FGF5: variants seen among roughly 807,000 people sequenced by gnomAD.
FGF5 encodes the protein heparin-binding growth factor 5.
A neutral mutation model predicts 21.8 loss-of-function variants in FGF5; 23 were observed. The observed-to-expected ratio is 1.05, with a 90% CI of 0.76 to 1.49. FGF5 has a LOEUF of 1.49. Among genes scored for constraint, FGF5 ranks in the 40% most tolerant of loss-of-function variants. FGF5 has a pLI of 0.00. For missense variants in FGF5, 352 were observed against 332.9 expected, an observed-to-expected ratio of 1.06 and a Z score of -0.45; for synonymous variants, 158 against 124.0, an observed-to-expected ratio of 1.27 and a Z score of -1.82.
At chr4:80,281,623 T>A (rs547556029) in intron 2 of FGF5, among the ~76,000 whole-genome samples, 2 of 152,158 alleles carry the variant, frequency 1.3e-5, no homozygotes, top group Non-Finnish European at 2.9e-5. Context: ...ACATATTTAG[T>A]TCTGTAGTTG....
At chr4:80,282,136 A>G (rs1409014891) in intron 2 of FGF5, among the ~76,000 whole-genome samples, 3 of 152,006 alleles carry the variant, frequency 2.0e-5, no homozygotes, top group East Asian at 1.9e-4. Context: ...CTGATTTTGT[A>G]TTTTTAGTAC....
intron 2 of FGF5, among the ~76,000 whole-genome samples, chr4:80,281,030 G>T (rs1720538297): frequency 6.6e-6 from 1 of 152,060 alleles, no homozygotes; most frequent in Non-Finnish European, 1.5e-5. Flanking sequence ...AAGCCAACTT[G>T]TGTATTTTGT....
At chr4:80,268,948 C>T (rs1560497312) in intron 1 of FGF5, among the ~76,000 whole-genome samples, 2 of 152,248 alleles carry the variant, frequency 1.3e-5, no homozygotes, top group Admixed American at 6.5e-5. Flanking sequence ...CTATTTATTT[C>T]CATTCGTCCT....
At chr4:80,279,479 A>G (rs1398930672) in intron 2 of FGF5, among the ~76,000 whole-genome samples, 2 of 152,096 alleles carry the variant, frequency 1.3e-5, no homozygotes, top group Non-Finnish European at 2.9e-5. Context: ...CCCAACTCCT[A>G]TTTATCACTG....
intron 1 of FGF5, 97 bp from the exon 2 acceptor site, chr4:80,274,812 A>G: frequency 1.6e-6 from 1 of 634,852 alleles, no homozygotes; most frequent in Non-Finnish European, 2.8e-6. Flanking sequence ...TTAAAATCAC[A>G]ATAATAAAGA....
rs754519954 is a variant in FGF5 at position 80,288,034 on chromosome 4, T to C, written c.*1362T>C. On this transcript the variant is annotated 3_prime_UTR_variant, in exon 3 of 3. Coordinates refer to ENST00000312465, the MANE Select transcript of FGF5 (RefSeq NM_004464.4). Reference sequence around the variant, plus strand: ...ATTTACAAAATTTATTCTCAGGTAATCATTTTAATAAAGTTCTGCAAAATA... The same window carrying C: ...ATTTACAAAATTTATTCTCAGGTAACCATTTTAATAAAGTTCTGCAAAATA... 6.6e-6 allele frequency: 1 copy of C among 152,160 alleles called. No homozygotes were observed. The highest frequency in any genetic ancestry group is 1.5e-5 in the Non-Finnish European group (1 of 68,012). 9.4% of individuals were successfully genotyped at this position (152,160 alleles called of 1,614,324 possible).
At chr4:80,273,639 T>C (rs1309483898) in intron 1 of FGF5, among the ~76,000 whole-genome samples, 2 of 152,202 alleles carry the variant, frequency 1.3e-5, no homozygotes, top group Non-Finnish European at 1.5e-5. Flanking sequence ...TAGAATATTA[T>C]AGATGGAAAT....
intron 2 of FGF5, 78 bp downstream of exon 2, chr4:80,275,090 C>T: frequency 1.7e-6 from 1 of 581,840 alleles, no homozygotes; most frequent in Non-Finnish European, 2.9e-6. Flanking sequence ...TTTCCAAATT[C>T]ATAGGTAAGA....
Position 80,286,600 on chromosome 4 carries a change from A to G in FGF5, c.735A>G (p.Pro245=). The G allele has an allele frequency of 6.2e-7, 1 of 1,614,082 alleles. No homozygotes were observed. Among genetic ancestry groups the G allele is most frequent in the Non-Finnish European group, 8.5e-7 (1 of 1,179,980 alleles). ...EKKKPPSPIK[P]KIPLSAPRKN... ...AAAAGCCACCTAGCCCTATCAAGCC[A>G]AAGATTCCCCTTTCTGCACCTCGGA... Residue 245 remains proline, a synonymous_variant, in exon 3 of 3, where the codon CCA becomes CCG. Transcript: ENST00000312465.
Position 80,266,908 on chromosome 4 carries a change from C to G in FGF5, c.84C>G (p.Pro28=), listed in dbSNP as rs1028201656. The G allele has an allele frequency of 1.2e-6, 2 of 1,614,048 alleles. No individual in the cohort carries two copies. Among genetic ancestry groups the G allele is most frequent in the Non-Finnish European group, 1.7e-6 (2 of 1,179,948 alleles). The change falls in exon 1 of 3, where the codon CCC becomes CCG. Residue 28 remains proline (P), a synonymous_variant. Coordinates refer to ENST00000312465, the MANE Select transcript of FGF5 (RefSeq NM_004464.4). ...AWAHGEKRLA[P]KGQPGPAATD... is the part of the protein sequence containing the mutation. Reference sequence around the variant, plus strand: ...CTCACGGGGAGAAGCGTCTCGCCCCCAAAGGGCAACCCGGACCCGCTGCCA... The same window carrying G: ...CTCACGGGGAGAAGCGTCTCGCCCCGAAAGGGCAACCCGGACCCGCTGCCA...
chr4:80,286,840 A>G lies in FGF5; in HGVS notation c.*168A>G, dbSNP rs1022862417. 5.0e-6 allele frequency: 3 copies of G among 597,828 alleles called. No homozygotes were observed. The highest frequency in any genetic ancestry group is 5.9e-6 in the Non-Finnish European group (2 of 341,818). 37.0% of individuals were successfully genotyped at this position (597,828 alleles called of 1,614,324 possible). A position where few individuals can be genotyped will look rare whatever the true frequency, so the allele number is the denominator to read the frequency against. On this transcript the variant is annotated 3_prime_UTR_variant, in exon 3 of 3. Transcript: ENST00000312465. ...CTGAAACAAAATGTTTTTTGATAGG[A>G]AGGAAACTGGAATTCTTTGTACTAA...
At chr4:80,284,385 GAT>G (rs1720649767) in intron 2 of FGF5, among the ~76,000 whole-genome samples, 1 of 152,154 alleles carries the variant, frequency 6.6e-6, no homozygotes, top group Non-Finnish European at 1.5e-5. Flanking sequence ...AGTGAGCCAA[GAT>G]AATGCCACTG....
At chr4:80,283,932 T>C (rs1363065729) in intron 2 of FGF5, among the ~76,000 whole-genome samples, 1 of 152,220 alleles carries the variant, frequency 6.6e-6, no homozygotes, top group Non-Finnish European at 1.5e-5. Flanking sequence ...ATTATCTAAT[T>C]AAATGGGAAA....
chr4:80,272,374 A>G (rs1720293529), intron 1 of FGF5, among the ~76,000 whole-genome samples: 1 of 152,136 alleles, frequency 6.6e-6, no homozygotes, highest in East Asian at 1.9e-4. Context: ...CATCTTCCCC[A>G]TATTTAAAAT....
Position 80,287,267 on chromosome 4 carries a change from T to C in FGF5, c.*595T>C, listed in dbSNP as rs1441860226. On this transcript the variant is annotated 3_prime_UTR_variant, in exon 3 of 3. Coordinates refer to ENST00000312465, the MANE Select transcript of FGF5 (RefSeq NM_004464.4). ...TATTCACTGCACTTTTTTATTGTTT[T>C]TATTTCTAGCCATACCTCAGATAAT... 6.6e-6 allele frequency: 1 copy of C among 152,224 alleles called. No individual in the cohort carries two copies. The highest frequency in any genetic ancestry group is 1.5e-5 in the Non-Finnish European group (1 of 68,034). 9.4% of individuals were successfully genotyped at this position (152,224 alleles called of 1,614,324 possible).
In FGF5 at chr4:80,288,001, T is replaced by G. The variant is rs1202921278; in HGVS notation, c.*1329T>G. On this transcript the variant is annotated 3_prime_UTR_variant, in exon 3 of 3. Coordinates refer to ENST00000312465, the MANE Select transcript of FGF5 (RefSeq NM_004464.4). ...GGACATAAATCACAGAAAATTTAAC[T>G]TAAGAAAATTTACAAAATTTATTCT... is the stretch of plus-strand genomic sequence containing the variant. 3 of 152,122 alleles carry G rather than the reference T, an allele frequency of 2.0e-5. No individual in the cohort carries two copies. Among genetic ancestry groups the G allele is most frequent in the Non-Finnish European group, 4.4e-5 (3 of 67,998 alleles). 9.4% of individuals were successfully genotyped at this position (152,122 alleles called of 1,614,324 possible). A position where few individuals can be genotyped will look rare whatever the true frequency, so the allele number is the denominator to read the frequency against.
At chr4:80,277,404 TTA>T (rs1256651399) in intron 2 of FGF5, among the ~76,000 whole-genome samples, 1 of 152,156 alleles carries the variant, frequency 6.6e-6, no homozygotes, top group African/African-American at 2.4e-5. Flanking sequence ...CCACTTTCTC[TTA>T]TCTGAGCATT....
intron 2 of FGF5, among the ~76,000 whole-genome samples, chr4:80,281,385 C>T (rs1720550761): frequency 6.6e-6 from 1 of 152,154 alleles, no homozygotes; most frequent in Non-Finnish European, 1.5e-5. Flanking sequence ...GTTTTTATTA[C>T]AGTCTATGAT....
intron 2 of FGF5, among the ~76,000 whole-genome samples, chr4:80,284,385 G>T (rs1314696983): frequency 6.6e-6 from 1 of 152,154 alleles, no homozygotes; most frequent in Non-Finnish European, 1.5e-5. Context: ...AGTGAGCCAA[G>T]ATAATGCCAC....
Sources: gnomAD v4.1 joint callset for allele counts (sites outside exome capture counted in the v4.1 genomes callset) on GRCh38, gnomAD v4.1.1 for gene constraint, MANE v1.5 for transcripts, NCBI Gene and HGNC (gene_info 2026-07-23, HGNC 2026-07-21) for gene names.